MTMR9: variants seen among roughly 807,000 people sequenced by gnomAD.
MTMR9 encodes myotubularin-related protein 9.
Under a neutral mutation model 69.5 loss-of-function variants are expected in MTMR9, and 39 were observed. That is an observed-to-expected ratio of 0.56 (90% confidence interval 0.43 to 0.73). The LOEUF is 0.73. Ranked by LOEUF, MTMR9 falls within the 30% of genes least tolerant of loss-of-function variation. MTMR9 has a pLI of 0.00. For synonymous variants in MTMR9, 354 were observed against 240.8 expected (o/e 1.47, Z -4.35); for missense variants, 900 against 671.2 (o/e 1.34, Z -3.77).
intron 1 of MTMR9, among the ~76,000 whole-genome samples, chr8:11,287,899 T>A (rs1258536800): frequency 7.8e-6 from 1 of 127,768 alleles, no homozygotes; most frequent in African/African-American, 3.0e-5. Context: ...ATACGTATTA[T>A]ATATAACATA....
rs571929199 is a variant in MTMR9, at chr8:11,295,117, C to G, written c.183-77C>G. 1.4e-5 allele frequency: 11 copies of G among 778,008 alleles called. No homozygotes were observed. In the African/African-American group the frequency reaches 1.4e-4, roughly 10 times the overall value. The allele number at this position is 778,008 out of a possible 1,614,324, so 48.2% of individuals were successfully genotyped here. ...TATAGATGGTAACTACAACTATATT[C>G]TCTTTTCAAAGAAATAATAATATAT... On this transcript the variant is annotated intron_variant, in intron 1 of 9. Coordinates refer to ENST00000221086, the MANE Select transcript of MTMR9 (RefSeq NM_015458.4).
chr8:11,304,770 T>C (rs1243801041), intron 3 of MTMR9, 71 bp from the exon 4 acceptor site: 2 of 1,514,022 alleles, frequency 1.3e-6, no homozygotes, highest in Non-Finnish European at 1.8e-6. Context: ...TCTAAGGTCT[T>C]TTAAAATTTC....
intron 5 of MTMR9, among the ~76,000 whole-genome samples, chr8:11,308,418 G>C (rs1246063904): frequency 6.6e-6 from 1 of 152,184 alleles, no homozygotes; most frequent in African/African-American, 2.4e-5. Context: ...CCAGTGCCAA[G>C]CTGTTTTGAT....
downstream of MTMR9, among the ~76,000 whole-genome samples, chr8:11,332,822 A>C (rs202136374): frequency 3.9e-5 from 6 of 152,150 alleles, no homozygotes; most frequent in African/African-American, 1.4e-4. Context: ...GGCTGGTCTC[A>C]AACTCCTGAC....
chr8:11,338,869 G>A, the MTMR9 span, among the ~76,000 whole-genome samples: 1 of 152,210 alleles, frequency 6.6e-6, no homozygotes. Flanking sequence ...TCTCCAAAGA[G>A]ACACGTGGTC....
chr8:11,288,005 CAT>C lies in MTMR9; in HGVS notation c.182+2937_182+2938del, dbSNP rs543568845. Among the ~76,000 whole-genome samples, 876 of 117,542 alleles carry C rather than the reference CAT, an allele frequency of 7.5e-3. 6 individuals are homozygous for C. The highest frequency in any genetic ancestry group is 0.018 in the Middle Eastern group (2 of 112). 77.1% of individuals were successfully genotyped at this position (117,542 alleles called of 152,430 possible). ...TATATAATATATATTACATATAATA[CAT>C]AGTATATAATACGTATGATATATAA... is the stretch of plus-strand genomic sequence containing the variant. On this transcript the variant is annotated intron_variant, in intron 1 of 9. Transcript: ENST00000221086.
Position 11,325,793 on chromosome 8 carries a change from A to G in MTMR9, c.*3005A>G, listed in dbSNP as rs976965965. ...TTTATTTTGATTTTATTAAATGGGAAGAAAGCAAGCAGAAATAGTAAAATT... is the reference window on the plus strand; with the variant it reads ...TTTATTTTGATTTTATTAAATGGGAGGAAAGCAAGCAGAAATAGTAAAATT... On this transcript the variant is annotated 3_prime_UTR_variant, in exon 10 of 10. Transcript: ENST00000221086. 7 of 152,102 alleles carry G rather than the reference A, an allele frequency of 4.6e-5. No homozygotes were observed. The highest frequency in any genetic ancestry group is 7.2e-5 in the African/African-American group (3 of 41,420). The allele number at this position is 152,102 out of a possible 1,614,324, so 9.4% of individuals were successfully genotyped here.
chr8:11,329,394 G>C (rs1446041503), downstream of MTMR9, among the ~76,000 whole-genome samples: 1 of 152,152 alleles, frequency 6.6e-6, no homozygotes, highest in South Asian at 2.1e-4. Flanking sequence ...CTGCCATCTC[G>C]GCTCACTGCA....
At chr8:11,316,975 G>A (rs11784572) in intron 8 of MTMR9, 82 bp downstream of exon 8, 4 of 781,832 alleles carry the variant, frequency 5.1e-6, no homozygotes, top group Non-Finnish European at 8.1e-6. Context: ...CCTAGGAGAC[G>A]ACGATTTGGA....
chr8:11,294,049 G>A (rs1027956225), intron 1 of MTMR9, among the ~76,000 whole-genome samples: 6 of 150,984 alleles, frequency 4.0e-5, no homozygotes, highest in African/African-American at 1.5e-4. Flanking sequence ...ATGAATTTTA[G>A]AATCACCTTT....
chr8:11,287,970 A>G (rs1370762431), intron 1 of MTMR9, among the ~76,000 whole-genome samples: 2 of 127,484 alleles, frequency 1.6e-5, no homozygotes, highest in Admixed American at 1.8e-4. Flanking sequence ...ACTATGTATT[A>G]TATATGTATT....
chr8:11,317,422 C>G (rs866902852), intron 8 of MTMR9: 7 of 152,194 alleles, frequency 4.6e-5, no homozygotes, highest in African/African-American at 1.7e-4. Context: ...GTCAGATCAT[C>G]AGGCATTAGA....
the MTMR9 span, among the ~76,000 whole-genome samples, chr8:11,336,630 A>G: frequency 6.6e-6 from 1 of 152,352 alleles, no homozygotes; most frequent in East Asian, 1.9e-4. Flanking sequence ...CTCCAATGCC[A>G]GGAAAGTAAG....
intron 8 of MTMR9, chr8:11,318,847 T>C (rs1379552951): frequency 6.6e-6 from 1 of 152,200 alleles, no homozygotes; most frequent in Non-Finnish European, 1.5e-5. Context: ...CTCTAAAAAA[T>C]TTTAAGTTTT....
At chr8:11,311,604 G>T (rs1208507156) in intron 6 of MTMR9, among the ~76,000 whole-genome samples, 1 of 152,200 alleles carries the variant, frequency 6.6e-6, no homozygotes, top group African/African-American at 2.4e-5. Flanking sequence ...GGTATTTGAG[G>T]TTATTGGCCC....
At chr8:11,333,829 G>GT in the MTMR9 span, among the ~76,000 whole-genome samples, 5,657 of 152,230 alleles carry the variant, frequency 0.037, 379 homozygotes, top group African/African-American at 0.13. Flanking sequence ...GGTTGCTATG[G>GT]TTTGAATGTC....
chr8:11,327,077 C>T lies in MTMR9; in HGVS notation c.*4289C>T, dbSNP rs1800968588. ...TTATGGTATCAGTTTTCTTTATTTT[C>T]TTGAATAAAATTACTTCTACCTTCA... On this transcript the variant is annotated 3_prime_UTR_variant, in exon 10 of 10. Coordinates refer to ENST00000221086, the MANE Select transcript of MTMR9 (RefSeq NM_015458.4). 6.7e-6 allele frequency: 1 copy of T among 150,194 alleles called. No individual in the cohort carries two copies. The highest frequency in any genetic ancestry group is 6.6e-5 in the Admixed American group (1 of 15,086). 9.3% of individuals were successfully genotyped at this position (150,194 alleles called of 1,614,324 possible). A position where few individuals can be genotyped will look rare whatever the true frequency, so the allele number is the denominator to read the frequency against.
intron 9 of MTMR9, chr8:11,320,990 G>A (rs765149667): frequency 1.9e-5 from 3 of 160,020 alleles, no homozygotes; most frequent in Admixed American, 1.8e-4. Flanking sequence ...CAGTTCACGT[G>A]TGGAAAACTA....
chr8:11,323,614 GTTAAT>G lies in MTMR9; in HGVS notation c.*830_*834del, dbSNP rs1203140831. ...AAATTAAACCATCATCTAGAATAGAGTTAATTTATTATAATCAAGCTACAAATAGG... is the reference window on the plus strand; with the variant it reads ...AAATTAAACCATCATCTAGAATAGAGTTATTATAATCAAGCTACAAATAGG... On this transcript the variant is annotated 3_prime_UTR_variant, in exon 10 of 10. Transcript: ENST00000221086. 3 of 152,170 alleles carry G rather than the reference GTTAAT, an allele frequency of 2.0e-5. No individual in the cohort carries two copies. Among genetic ancestry groups the G allele is most frequent in the African/African-American group, 7.2e-5 (3 of 41,440 alleles). 9.4% of individuals were successfully genotyped at this position (152,170 alleles called of 1,614,324 possible).
Sources: gnomAD v4.1 joint callset for allele counts (sites outside exome capture counted in the v4.1 genomes callset) on GRCh38, gnomAD v4.1.1 for gene constraint, MANE v1.5 for transcripts, NCBI Gene and HGNC (gene_info 2026-07-23, HGNC 2026-07-21) for gene names.